The following RGS8 variants were observed in gnomAD, a reference collection of about 807,000 sequenced individuals.
RGS8 encodes regulator of G-protein signaling 8.
A neutral mutation model predicts 21.7 loss-of-function variants in RGS8; 8 were observed. The observed-to-expected ratio is 0.37, with a 90% confidence interval of 0.22 to 0.66. RGS8 has a LOEUF of 0.66. Ranked by LOEUF, RGS8 falls within the 30% of genes least tolerant of loss-of-function variation. The pLI, the probability that RGS8 is intolerant of heterozygous loss-of-function variation, is 0.59. For synonymous variants in RGS8, 80 were observed against 83.6 expected, an observed-to-expected ratio of 0.96 and a Z score of 0.24; for missense variants, 157 against 217.9, an observed-to-expected ratio of 0.72 and a Z score of 1.76.
chr1:182,729,609 C>A, the RGS8 span, among the ~76,000 whole-genome samples: 1 of 151,896 alleles, frequency 6.6e-6, no homozygotes, highest in African/African-American at 2.4e-5. Flanking sequence ...CTAAGTGAAC[C>A]CTGATGAAGG....
chr1:182,730,566 C>T, the RGS8 span, among the ~76,000 whole-genome samples: 4 of 152,138 alleles, frequency 2.6e-5, no homozygotes, highest in South Asian at 2.1e-4. Flanking sequence ...AAAAAATGGC[C>T]GGGCACAGTG....
At chr1:182,682,949 C>T (rs2102458781) in intron 1 of RGS8, among the ~76,000 whole-genome samples, 1 of 152,336 alleles carries the variant, frequency 6.6e-6, no homozygotes. Context: ...GGGAGAAAGA[C>T]CTTCACCTAA....
intron 6 of RGS8, 139 bp from the exon 8 acceptor site, chr1:182,647,056 G>C: frequency 1.4e-6 from 1 of 725,550 alleles, no homozygotes; most frequent in East Asian, 2.7e-5. Context: ...TGCTTCCATG[G>C]AGGTCATCCC....
At chr1:182,667,029 G>T in intron 3 of RGS8, 56 bp from the exon 5 acceptor site, 1 of 1,401,548 alleles carries the variant, frequency 7.1e-7, no homozygotes, top group South Asian at 1.2e-5. Flanking sequence ...ACAGCTGTCA[G>T]CTCTATACAG....
chr1:182,744,561 A>T, the RGS8 span, among the ~76,000 whole-genome samples: 1 of 152,234 alleles, frequency 6.6e-6, no homozygotes, highest in Non-Finnish European at 1.5e-5. Context: ...TGACATAGCC[A>T]TTGTAACGTT....
At chr1:182,663,058 AT>A (rs1295912317) in intron 5 of RGS8, among the ~76,000 whole-genome samples, 4 of 151,890 alleles carry the variant, frequency 2.6e-5, no homozygotes, top group East Asian at 1.9e-4. Flanking sequence ...ACTCCTGAAC[AT>A]TTTTTTTGGA....
At chr1:182,666,950 A>G in exon 4 of RGS8, 1 of 1,614,150 alleles carries the variant, frequency 6.2e-7, no homozygotes, top group Non-Finnish European at 8.5e-7. Flanking sequence ...CAGGCATCCC[A>G]GTCGAGTCCT....
At chr1:182,703,302 G>C in the RGS8 span, among the ~76,000 whole-genome samples, 2 of 152,146 alleles carry the variant, frequency 1.3e-5, no homozygotes, top group Non-Finnish European at 2.9e-5. Context: ...TGGAGGCTGG[G>C]AAAATTGTGT....
At chr1:182,719,523 C>A in the RGS8 span, among the ~76,000 whole-genome samples, 1 of 150,256 alleles carries the variant, frequency 6.7e-6, no homozygotes, top group East Asian at 2.0e-4. Flanking sequence ...CTTGACTTCC[C>A]AGGTTCAAGC....
At chr1:182,726,785 G>A in the RGS8 span, among the ~76,000 whole-genome samples, 3 of 152,124 alleles carry the variant, frequency 2.0e-5, no homozygotes, top group African/African-American at 4.8e-5. Flanking sequence ...CCATCTTCAT[G>A]AATAGCCTTA....
At chr1:182,741,012 C>A in the RGS8 span, among the ~76,000 whole-genome samples, 1 of 146,584 alleles carries the variant, frequency 6.8e-6, no homozygotes, top group Admixed American at 6.8e-5. Flanking sequence ...CCTTTCCCCC[C>A]TTTCTATTCT....
chr1:182,691,607 TAAAAAAAAAAA>T, the RGS8 span, among the ~76,000 whole-genome samples: 2 of 27,226 alleles, frequency 7.3e-5, no homozygotes, highest in African/African-American at 1.4e-4. Context: ...CCCTTCATGT[TAAAAAAAAAAA>T]AAAAAAAAAA....
upstream of RGS8, among the ~76,000 whole-genome samples, chr1:182,688,349 TCTCG>T (rs1179260062): frequency 3.3e-5 from 5 of 150,670 alleles, no homozygotes; most frequent in African/African-American, 1.2e-4. Flanking sequence ...ACACTTTCTC[TCTCG>T]CTCGCTCTCT....
the RGS8 span, among the ~76,000 whole-genome samples, chr1:182,734,030 C>G: frequency 6.6e-6 from 1 of 152,008 alleles, no homozygotes; most frequent in East Asian, 1.9e-4. Context: ...AAGCAATTCT[C>G]CTGCCTCAGC....
chr1:182,652,309 T>C (rs1225096112), intron 5 of RGS8, among the ~76,000 whole-genome samples: 2 of 152,246 alleles, frequency 1.3e-5, no homozygotes, highest in Non-Finnish European at 2.9e-5. Context: ...CTTGTAAAGA[T>C]AGCCTTGCTA....
the RGS8 span, among the ~76,000 whole-genome samples, chr1:182,689,802 C>T: frequency 6.6e-5 from 10 of 152,188 alleles, no homozygotes; most frequent in Admixed American, 3.9e-4. Context: ...TAGACTTGGG[C>T]GCAAATGGGC....
the RGS8 span, among the ~76,000 whole-genome samples, chr1:182,741,791 C>T: frequency 1.9e-5 from 2 of 103,202 alleles, no homozygotes; most frequent in African/African-American, 3.3e-5. Context: ...GGCGGCTGGC[C>T]GCGCAGAGGG....
At chr1:182,721,018 CATAT>C in the RGS8 span, among the ~76,000 whole-genome samples, 3 of 79,850 alleles carry the variant, frequency 3.8e-5, no homozygotes, top group Non-Finnish European at 5.1e-5. Context: ...CATATATACA[CATAT>C]ATATGTGTGT....
the RGS8 span, among the ~76,000 whole-genome samples, chr1:182,729,939 C>T: frequency 1.3e-4 from 20 of 152,264 alleles, no homozygotes; most frequent in East Asian, 9.6e-4. Flanking sequence ...ACATAGGCCA[C>T]GCTTGGCAGA....
Sources: allele counts gnomAD v4.1 joint callset (sites outside exome capture counted in the v4.1 genomes callset), GRCh38; gene constraint gnomAD v4.1.1; transcripts MANE v1.5; gene names NCBI Gene and HGNC (gene_info 2026-07-23, HGNC 2026-07-21).